Variants in DNAH3 observed in about 807,000 individuals in gnomAD.
The protein encoded by DNAH3 is axonemal beta dynein heavy chain 3.
DNAH3 carries 332 observed loss-of-function variants against 432.5 expected under a neutral mutation model. The ratio of observed to expected loss-of-function variants is 0.77; its 90% CI spans 0.70 to 0.84. The LOEUF (loss-of-function observed/expected upper bound fraction) is 0.84, where lower values mean the gene tolerates loss of function less well. DNAH3 is among the 40% of genes least tolerant of loss of function. DNAH3 has a pLI of 0.00. For missense variants in DNAH3, 4,861 were observed against 5,114.0 expected (o/e 0.95, Z 1.51); for synonymous variants, 1,956 against 1,900.2 (o/e 1.03, Z -0.76).
intron 21 of DNAH3, among the ~76,000 whole-genome samples, chr16:21,073,046 G>A (rs552071739): frequency 6.6e-6 from 1 of 152,014 alleles, no homozygotes; most frequent in Admixed American, 6.6e-5. Flanking sequence ...GGCCCTGTGG[G>A]TGGCACTTTT....
chr16:21,134,386 GA>G lies in DNAH3; in HGVS notation c.954del (p.Pro319LeufsTer4). 1 of 1,614,214 alleles carries G rather than the reference GA, an allele frequency of 6.2e-7. No individual in the cohort carries two copies. The highest frequency in any genetic ancestry group is 8.5e-7 in the Non-Finnish European group (1 of 1,180,048). ...ACAGGGGCCCGGATCACTCTTTGAGGAAACAAGCGGGGGATGCTCTCAATAA... is the reference window on the plus strand; with the variant it reads ...ACAGGGGCCCGGATCACTCTTTGAGGAACAAGCGGGGGATGCTCTCAATAA... On this transcript the variant is annotated frameshift_variant, in exon 7 of 62. Transcript: ENST00000261383. LOFTEE classifies it high-confidence loss of function.
In DNAH3 at chr16:20,985,321, T is replaced by C. The variant is rs775558114; in HGVS notation, c.7421A>G (p.Lys2474Arg). ...CACACCGACCTGCAGTATGATCTTC[T>C]TAAGATCTTCTCGCCAGTCATTGCC... Residue 2474 changes from lysine (K) to arginine (R), a missense_variant, in exon 48 of 62, where the codon AAG becomes AGG. Lys to Arg is a conservative substitution (Grantham distance 26). Transcript: ENST00000261383. The C allele has an allele frequency of 9.9e-6, 16 of 1,614,130 alleles. No individual in the cohort carries two copies. The East Asian group carries it at 1.8e-4, about 18-fold the overall frequency.
chr16:20,988,854 G>C (rs925458474), intron 44 of DNAH3, among the ~76,000 whole-genome samples: 3 of 151,932 alleles, frequency 2.0e-5, no homozygotes, highest in East Asian at 3.9e-4. Flanking sequence ...TGGTGGGTTC[G>C]TCATCTCGCT....
At chr16:21,003,287 C>T (rs1045832071) in intron 41 of DNAH3, 80 bp from the exon 42 acceptor site, 39 of 865,282 alleles carry the variant, frequency 4.5e-5, no homozygotes, top group Non-Finnish European at 3.7e-5. Flanking sequence ...TTAAGTCCCT[C>T]AGTTATCAGC....
At chr16:21,062,386 C>A in intron 25 of DNAH3, 96 bp downstream of exon 25, 2 of 971,260 alleles carry the variant, frequency 2.1e-6, no homozygotes, top group Non-Finnish European at 1.6e-6. Context: ...TTCCATACCC[C>A]AGGCAGTCTG....
Position 21,019,973 on chromosome 16 carries a change from C to T in DNAH3, c.5777-104G>A, listed in dbSNP as rs544341595. ...CTTTGAAGGGTCTGGGCCAGAAGGG[C>T]GACTGATATTGGCAGAGTGCCTATC... is the stretch of plus-strand genomic sequence containing the variant. On this transcript the variant is annotated intron_variant, in intron 40 of 61. Transcript: ENST00000261383. The T allele has an allele frequency of 2.7e-5, 36 of 1,336,772 alleles. No homozygotes were observed. In the Middle Eastern group the frequency reaches 1.0e-3, roughly 38 times the overall value. 82.8% of individuals were successfully genotyped at this position (1,336,772 alleles called of 1,614,324 possible).
At chr16:20,975,365 G>A in exon 51 of DNAH3, 4 of 1,614,180 alleles carry the variant, frequency 2.5e-6, no homozygotes, top group Non-Finnish European at 3.4e-6. Flanking sequence ...CCTCGGAGGT[G>A]AGGATGAGTT....
intron 24 of DNAH3, among the ~76,000 whole-genome samples, chr16:21,063,608 T>A (rs1027996032): frequency 2.6e-5 from 4 of 152,066 alleles, no homozygotes; most frequent in Non-Finnish European, 4.4e-5. Flanking sequence ...AGTGGTGCAA[T>A]CCTGGCTCAC....
intron 28 of DNAH3, 38 bp from the exon 29 acceptor site, chr16:21,051,906 C>CAAAG: frequency 6.4e-7 from 1 of 1,566,970 alleles, no homozygotes; most frequent in Non-Finnish European, 8.8e-7. Flanking sequence ...CACACAGAGC[C>CAAAG]ATCAGAACTC....
intron 19 of DNAH3, among the ~76,000 whole-genome samples, chr16:21,084,632 A>T (rs937688928): frequency 2.1e-4 from 32 of 151,944 alleles, no homozygotes; most frequent in African/African-American, 6.5e-4. Flanking sequence ...GGGATTTTTT[A>T]AATTTAAATT....
At chr16:21,066,061 G>C (rs530882295) in intron 24 of DNAH3, among the ~76,000 whole-genome samples, 2 of 151,782 alleles carry the variant, frequency 1.3e-5, no homozygotes, top group African/African-American at 2.4e-5. Context: ...TCCTGACCTC[G>C]GGTGATCCGC....
chr16:21,072,363 G>A lies in DNAH3; in HGVS notation c.3085-1537C>T, dbSNP rs573824421. 1.5e-4 allele frequency among the ~76,000 whole-genome samples: 23 copies of A among 152,238 alleles called. 1 individual carries two copies. The highest frequency in any genetic ancestry group is 4.6e-4 in the Admixed American group (7 of 15,284). On this transcript the variant is annotated intron_variant, in intron 21 of 61. Coordinates refer to ENST00000261383, the Ensembl canonical transcript of DNAH3. ...TTTATTTTTGAGACAGTCTTGCTCT[G>A]TTGCCCAGGCTGGAGTGCAGTGGCA...
At chr16:21,080,930 T>A (rs912990277) in intron 20 of DNAH3, among the ~76,000 whole-genome samples, 3 of 152,184 alleles carry the variant, frequency 2.0e-5, no homozygotes, top group African/African-American at 2.4e-5. Context: ...TTCTTTTTTT[T>A]AAATTAAGAT....
intron 52 of DNAH3, 34 bp from the exon 53 acceptor site, chr16:20,965,459 A>G (rs769356487): frequency 6.8e-7 from 1 of 1,479,150 alleles, no homozygotes; most frequent in Non-Finnish European, 9.0e-7. Flanking sequence ...TAATGTGTTA[A>G]GACATTCTGG....
At chr16:20,993,423 A>G (rs2086638522) in intron 44 of DNAH3, among the ~76,000 whole-genome samples, 1 of 152,182 alleles carries the variant, frequency 6.6e-6, no homozygotes, top group Non-Finnish European at 1.5e-5. Context: ...TCCATTTTCT[A>G]GGAGATTCCT....
chr16:21,122,500 T>C (rs2092365159), intron 9 of DNAH3, among the ~76,000 whole-genome samples: 2 of 152,114 alleles, frequency 1.3e-5, no homozygotes, highest in African/African-American at 4.8e-5. Context: ...GAGGTTGCAG[T>C]GAGATCACGC....
chr16:21,032,706 G>T (rs147765120), intron 36 of DNAH3, among the ~76,000 whole-genome samples: 5 of 152,106 alleles, frequency 3.3e-5, no homozygotes, highest in African/African-American at 1.2e-4. Flanking sequence ...CCAGCTACCC[G>T]GGAGCCTGAG....
At chr16:20,975,895 C>G (rs552441976) in intron 50 of DNAH3, among the ~76,000 whole-genome samples, 48 of 152,198 alleles carry the variant, frequency 3.2e-4, no homozygotes, top group African/African-American at 1.1e-3. Flanking sequence ...CAGTCACACA[C>G]CACCACGCCT....
chr16:21,098,526 G>A, intron 17 of DNAH3, 90 bp downstream of exon 17: 1 of 1,338,340 alleles, frequency 7.5e-7, no homozygotes, highest in South Asian at 1.6e-5. Flanking sequence ...CCACCTAGTA[G>A]ATGCTATTAG....
Sources: gnomAD v4.1 joint callset for allele counts (sites outside exome capture counted in the v4.1 genomes callset) on GRCh38, gnomAD v4.1.1 for gene constraint, MANE v1.5 for transcripts, NCBI Gene and HGNC (gene_info 2026-07-23, HGNC 2026-07-21) for gene names.